The following DIP2C variants were observed in gnomAD, a reference collection of about 807,000 sequenced individuals.
DIP2C encodes the protein DIP2 acetate--CoA ligase C (putative), also known as disco-interacting protein 2 homolog C.
A neutral mutation model predicts 192.4 loss-of-function variants in DIP2C; 33 were observed. The ratio of observed to expected loss-of-function variants is 0.17; its 90% CI spans 0.13 to 0.23. The LOEUF (loss-of-function observed/expected upper bound fraction) is 0.23. DIP2C is among the 10% of genes least tolerant of loss of function. The probability of loss-of-function intolerance (pLI) is 1.00; values close to 1 mark genes in which losing one functional copy is unlikely to be tolerated. For missense variants in DIP2C, 1,537 were observed against 2,110.1 expected, an observed-to-expected ratio of 0.73 and a Z score of 5.32; for synonymous variants, 979 against 864.1, an observed-to-expected ratio of 1.13 and a Z score of -2.33.
chr10:424,908 A>T (rs1966473110), intron 4 of DIP2C, among the ~76,000 whole-genome samples: 1 of 152,226 alleles, frequency 6.6e-6, no homozygotes, highest in East Asian at 1.9e-4. Context: ...ACAGCATATG[A>T]CACGGATGAT....
intron 1 of DIP2C, among the ~76,000 whole-genome samples, chr10:536,635 A>G (rs565447647): frequency 6.6e-6 from 1 of 152,352 alleles, no homozygotes; most frequent in African/African-American, 2.4e-5. Context: ...AGTGAATGTG[A>G]TTCAGAATTC....
At chr10:414,257 G>T in intron 7 of DIP2C, 147 bp from the exon 8 acceptor site, 4 of 1,010,156 alleles carry the variant, frequency 4.0e-6, no homozygotes, top group Non-Finnish European at 4.2e-6. Context: ...TAGAATTGGG[G>T]TCTATACACT....
chr10:484,910 G>A lies in DIP2C; in HGVS notation c.157+1549C>T, dbSNP rs770526121. On this transcript the variant is annotated intron_variant, in intron 2 of 36. Coordinates refer to ENST00000280886, the MANE Select transcript of DIP2C (RefSeq NM_014974.3). ...GTTCTCCTCGGCGCTCCTTCACTGT[G>A]CTGCAGTCTACACCGAACCACGGCA... The A allele has an allele frequency of 1.1e-5, 18 of 1,611,636 alleles. No individual in the cohort carries two copies. The South Asian group carries it at 1.5e-4, about 14-fold the overall frequency.
chr10:548,217 C>CCCT (rs1554897846), intron 1 of DIP2C, among the ~76,000 whole-genome samples: 1 of 129,732 alleles, frequency 7.7e-6, no homozygotes, highest in Non-Finnish European at 1.7e-5. Context: ...CACCCCCCCC[C>CCCT]CCACAGGAAA....
intron 32 of DIP2C, among the ~76,000 whole-genome samples, chr10:300,833 G>A (rs1489873457): frequency 6.6e-6 from 1 of 151,284 alleles, no homozygotes; most frequent in African/African-American, 2.4e-5. Flanking sequence ...TGGAGAAACC[G>A]GATCCAGGGG....
intron 1 of DIP2C, among the ~76,000 whole-genome samples, chr10:553,260 T>C (rs956528909): frequency 3.9e-5 from 6 of 152,208 alleles, no homozygotes; most frequent in African/African-American, 9.6e-5. Context: ...GCTGAATTCA[T>C]GTTCACCTGG....
chr10:503,922 C>T (rs74115023), intron 1 of DIP2C, among the ~76,000 whole-genome samples: 1 of 152,214 alleles, frequency 6.6e-6, no homozygotes, highest in Non-Finnish European at 1.5e-5. Flanking sequence ...ATTTCAATTC[C>T]AAGTCCAAAG....
At chr10:615,624 CA>C (rs201960946) in intron 1 of DIP2C, among the ~76,000 whole-genome samples, 26 of 149,362 alleles carry the variant, frequency 1.7e-4, no homozygotes, top group African/African-American at 6.7e-4. Context: ...TACACACACA[CA>C]CCCGCCCCAC....
chr10:610,101 G>A (rs1037403253), intron 1 of DIP2C, among the ~76,000 whole-genome samples: 3 of 152,220 alleles, frequency 2.0e-5, no homozygotes, highest in African/African-American at 7.2e-5. Context: ...GGGGATGAAG[G>A]GAATGTGGCC....
intron 24 of DIP2C, among the ~76,000 whole-genome samples, chr10:354,081 A>G (rs910292290): frequency 2.0e-5 from 3 of 152,154 alleles, no homozygotes; most frequent in Admixed American, 6.5e-5. Flanking sequence ...TTGGCGCAAA[A>G]TAACACAAGC....
chr10:347,255 CACCCA>C, intron 26 of DIP2C, among the ~76,000 whole-genome samples: 1 of 123,532 alleles, frequency 8.1e-6, no homozygotes, highest in Non-Finnish European at 1.6e-5. Flanking sequence ...ACCCCACACG[CACCCA>C]ACCCAGACAC....
rs116202578 is a variant in DIP2C, at chr10:651,255, G to A, written c.85+38239C>T. ...ATGATGGCGTCACAGCGTGGGTTCC[G>A]GTCACCAGTCGGCCTCCCCCACCAA... On this transcript the variant is annotated intron_variant, in intron 1 of 36. Coordinates refer to ENST00000280886, the MANE Select transcript of DIP2C (RefSeq NM_014974.3). The surrounding 1 kb of genome is among the most constrained non-coding windows in gnomAD (Gnocchi z 4.1). 5 of 715,506 alleles carry A rather than the reference G, an allele frequency of 7.0e-6. No individual in the cohort carries two copies. Among genetic ancestry groups the A allele is most frequent in the Middle Eastern group, 4.6e-4 (2 of 4,372 alleles). 44.3% of individuals were successfully genotyped at this position (715,506 alleles called of 1,614,324 possible).
At chr10:657,371 CACT>C (rs1395394214) in intron 1 of DIP2C, among the ~76,000 whole-genome samples, 2 of 68,528 alleles carry the variant, frequency 2.9e-5, no homozygotes, top group African/African-American at 1.0e-4. Flanking sequence ...CTGGACCTGC[CACT>C]GGACCTGACC....
rs144183326 is a variant in DIP2C at position 331,944 on chromosome 10, CAG to C, written c.3585-2345_3585-2344del. ...CCACTTCTTTTCTTTTTTTCTGAGA[CAG>C]AGTCTTACTTTGTCACCCAGGCTAG... On this transcript the variant is annotated intron_variant, in intron 29 of 36. Transcript: ENST00000280886. Among the ~76,000 whole-genome samples, 21 of 152,016 alleles carry C rather than the reference CAG, an allele frequency of 1.4e-4. No individual in the cohort carries two copies. In the East Asian group the frequency reaches 3.7e-3, roughly 27 times the overall value.
chr10:478,479 G>C (rs559140561), intron 2 of DIP2C, among the ~76,000 whole-genome samples: 3 of 151,292 alleles, frequency 2.0e-5, no homozygotes, highest in African/African-American at 7.3e-5. Flanking sequence ...GGGCATGCCG[G>C]GGGTGCAGAT....
intron 3 of DIP2C, among the ~76,000 whole-genome samples, chr10:447,916 T>TC (rs1491145463): frequency 2.3e-5 from 2 of 88,760 alleles, no homozygotes; most frequent in East Asian, 7.5e-4. Context: ...GACCCACTCA[T>TC]CCCTGTCTAT....
intron 9 of DIP2C, among the ~76,000 whole-genome samples, chr10:400,719 C>T (rs186910446): frequency 2.3e-4 from 34 of 147,124 alleles, no homozygotes; most frequent in South Asian, 2.2e-4. Context: ...TGATTTTACA[C>T]GTGTGGTAGC....
At chr10:380,709 T>TA (rs1371303693) in intron 17 of DIP2C, among the ~76,000 whole-genome samples, 1 of 152,230 alleles carries the variant, frequency 6.6e-6, no homozygotes, top group Non-Finnish European at 1.5e-5. Flanking sequence ...TGACGACCTT[T>TA]AAGAAGGCAT....
At chr10:497,481 A>G (rs1588302984) in intron 1 of DIP2C, among the ~76,000 whole-genome samples, 1 of 152,316 alleles carries the variant, frequency 6.6e-6, no homozygotes, top group African/African-American at 2.4e-5. Context: ...CTTCATCAGC[A>G]ATGGGGCAGC....
Sources: gnomAD v4.1 joint callset for allele counts (sites outside exome capture counted in the v4.1 genomes callset) on GRCh38, gnomAD v4.1.1 for gene constraint, Gnocchi (gnomAD v3.1) non-coding constraint, MANE v1.5 for transcripts, NCBI Gene and HGNC (gene_info 2026-07-23, HGNC 2026-07-21) for gene names.